DPY19L2: variants seen among roughly 807,000 people sequenced by gnomAD.
DPY19L2 encodes the protein dpy-19 like 2.
DPY19L2 carries 34 observed loss-of-function variants against 97.9 expected under a neutral mutation model. The observed-to-expected ratio is 0.35, with a 90% CI of 0.26 to 0.46. The LOEUF (loss-of-function observed/expected upper bound fraction) is 0.46. DPY19L2 is among the 20% of genes least tolerant of loss of function. The pLI is 1.00. For missense variants in DPY19L2, 623 were observed against 911.4 expected, an observed-to-expected ratio of 0.68 and a Z score of 4.07; for synonymous variants, 230 against 307.9, an observed-to-expected ratio of 0.75 and a Z score of 2.65.
intron 16 of DPY19L2, among the ~76,000 whole-genome samples, chr12:63,592,325 C>T (rs1386805524): frequency 6.6e-6 from 1 of 150,980 alleles, no homozygotes; most frequent in East Asian, 1.9e-4. Flanking sequence ...GAGCCCGCAT[C>T]ACCAAGTCAA....
intron 6 of DPY19L2, among the ~76,000 whole-genome samples, chr12:63,631,861 C>G (rs1890746256): frequency 6.6e-6 from 1 of 152,112 alleles, no homozygotes. Flanking sequence ...AAAAGCTTAT[C>G]TACCATGATC....
intron 1 of DPY19L2, among the ~76,000 whole-genome samples, chr12:63,666,113 A>G (rs1385371963): frequency 6.6e-6 from 1 of 152,114 alleles, no homozygotes; most frequent in Non-Finnish European, 1.5e-5. Context: ...ACTTCAGGTA[A>G]TTGGTAAGAG....
intron 6 of DPY19L2, among the ~76,000 whole-genome samples, chr12:63,642,570 C>T (rs1231147500): frequency 6.6e-6 from 1 of 152,054 alleles, no homozygotes; most frequent in Non-Finnish European, 1.5e-5. Flanking sequence ...CCTGTCCTTA[C>T]TCACCAATCT....
intron 19 of DPY19L2, among the ~76,000 whole-genome samples, chr12:63,574,375 C>G (rs1463510769): frequency 6.6e-6 from 1 of 151,618 alleles, no homozygotes; most frequent in Non-Finnish European, 1.5e-5. Flanking sequence ...GAGAAAATCA[C>G]CTTCAATGAA....
chr12:63,581,045 T>C (rs1279134941), intron 18 of DPY19L2, among the ~76,000 whole-genome samples: 2 of 152,158 alleles, frequency 1.3e-5, no homozygotes, highest in Non-Finnish European at 2.9e-5. Context: ...TTCTCTCCCC[T>C]GGGAAGAATT....
chr12:63,567,199 A>G (rs1409074563), intron 21 of DPY19L2, among the ~76,000 whole-genome samples: 1 of 151,710 alleles, frequency 6.6e-6, no homozygotes, highest in Non-Finnish European at 1.5e-5. Context: ...CCACAATTCT[A>G]CTCTACTTCT....
At chr12:63,666,567 GGA>G in intron 1 of DPY19L2, 1 of 417,738 alleles carries the variant, frequency 2.4e-6, no homozygotes, top group South Asian at 1.8e-5. Context: ...CAATTCCTCT[GGA>G]GAGAGAAGAG....
intron 6 of DPY19L2, among the ~76,000 whole-genome samples, chr12:63,643,260 T>C (rs762750743): frequency 2.6e-5 from 4 of 152,080 alleles, no homozygotes; most frequent in Non-Finnish European, 5.9e-5. Context: ...CTACTTTTCT[T>C]TTTATGTACC....
chr12:63,574,546 C>G (rs1206826883), intron 19 of DPY19L2, among the ~76,000 whole-genome samples: 3 of 151,832 alleles, frequency 2.0e-5, no homozygotes, highest in South Asian at 4.2e-4. Flanking sequence ...CACTAAGAAT[C>G]TGTTACCTAC....
chr12:63,664,353 A>C (rs1896073914), intron 2 of DPY19L2, among the ~76,000 whole-genome samples: 1 of 146,624 alleles, frequency 6.8e-6, no homozygotes, highest in African/African-American at 2.7e-5. Flanking sequence ...AACAAACAAA[A>C]AAAAACAAAA....
At chr12:63,591,100 AAGACAC>A (rs1241438338) in intron 16 of DPY19L2, 3 of 455,814 alleles carry the variant, frequency 6.6e-6, no homozygotes, top group Non-Finnish European at 1.3e-5. Flanking sequence ...TTAGAATGCC[AAGACAC>A]ATTTCCCTGT....
intron 19 of DPY19L2, among the ~76,000 whole-genome samples, chr12:63,576,594 T>C (rs1373386764): frequency 1.3e-5 from 2 of 151,608 alleles, no homozygotes; most frequent in Non-Finnish European, 3.0e-5. Context: ...AATTCAGTAA[T>C]GTTGTAGGAT....
At chr12:63,627,786 T>G (rs149560934) in intron 6 of DPY19L2, among the ~76,000 whole-genome samples, 4,491 of 152,232 alleles carry the variant, frequency 0.03, 104 homozygotes, top group Middle Eastern at 0.082. Flanking sequence ...CCTAACACAT[T>G]CTAAGCACCA....
intron 14 of DPY19L2, among the ~76,000 whole-genome samples, chr12:63,597,022 G>C (rs1027021914): frequency 6.6e-6 from 1 of 152,006 alleles, no homozygotes; most frequent in Non-Finnish European, 1.5e-5. Context: ...ACCCAGGCTG[G>C]AGTGCATTGG....
intron 16 of DPY19L2, among the ~76,000 whole-genome samples, chr12:63,587,548 A>G (rs1882000893): frequency 7.3e-6 from 1 of 136,552 alleles, no homozygotes; most frequent in Non-Finnish European, 1.6e-5. Context: ...CTAGTTAGAC[A>G]TTTTTAAAAA....
At chr12:63,607,939 T>G (rs912470929) in intron 12 of DPY19L2, among the ~76,000 whole-genome samples, 12 of 151,912 alleles carry the variant, frequency 7.9e-5, no homozygotes, top group Non-Finnish European at 1.5e-4. Flanking sequence ...GGCCCAAGGT[T>G]TATTTTTTAA....
In DPY19L2 at chr12:63,663,154, C is replaced by T. The variant is rs553399467; in HGVS notation, c.450+604G>A. Among the ~76,000 whole-genome samples the T allele has an allele frequency of 5.1e-4, 78 of 152,202 alleles. 1 individual carries two copies. The highest frequency in any genetic ancestry group is 2.5e-3 in the South Asian group (12 of 4,820). ...CAGTTTCAATGCTTCACTAGGCCCC[C>T]GACCAGCTGTGAGCAGATCTGGAAG... is the stretch of plus-strand genomic sequence containing the variant. On this transcript the variant is annotated intron_variant, in intron 3 of 21. Transcript: ENST00000324472.
intron 16 of DPY19L2, among the ~76,000 whole-genome samples, chr12:63,586,122 A>C (rs2137402457): frequency 6.6e-6 from 1 of 152,262 alleles, no homozygotes; most frequent in African/African-American, 2.4e-5. Context: ...ACCCCTCCAA[A>C]CCTTATGAAT....
chr12:63,588,786 C>T lies in DPY19L2; in HGVS notation c.1581-4950G>A, dbSNP rs186570641. ...TTTTGTTTTTTGAGACGGAGTCTCACTCTGTCGCCCAGGCTGGAGTGCGGT... is the reference window on the plus strand; with the variant it reads ...TTTTGTTTTTTGAGACGGAGTCTCATTCTGTCGCCCAGGCTGGAGTGCGGT... On this transcript the variant is annotated intron_variant, in intron 16 of 21. Transcript: ENST00000324472. 4.4e-3 allele frequency among the ~76,000 whole-genome samples: 624 copies of T among 140,552 alleles called. 4 individuals carry two copies. The highest frequency in any genetic ancestry group is 7.8e-3 in the Non-Finnish European group (515 of 66,160). The allele number at this position is 140,552 out of a possible 152,430, so 92.2% of individuals were successfully genotyped here.
Sources: allele counts gnomAD v4.1 joint callset (sites outside exome capture counted in the v4.1 genomes callset), GRCh38; gene constraint gnomAD v4.1.1; transcripts MANE v1.5; gene names NCBI Gene and HGNC (gene_info 2026-07-23, HGNC 2026-07-21).